LINC00632: variants seen among roughly 807,000 people sequenced by gnomAD.
LINC00632 encodes the protein long independently transcribed non-coding RNA 632.
chrX:140,766,299 A>C (rs1931691771), intron 3 of LINC00632, among the ~76,000 whole-genome samples: 1 of 112,252 alleles, frequency 8.9e-6, no homozygotes, highest in Non-Finnish European at 1.9e-5. Context: ...CCATCCAGTA[A>C]GAAGTATGAA....
At chrX:140,729,821 C>A (rs764246854) in intron 2 of LINC00632, among the ~76,000 whole-genome samples, 1 of 109,078 alleles carries the variant, frequency 9.2e-6, no homozygotes, top group African/African-American at 3.3e-5. Context: ...TAGAAATATA[C>A]GACAATCCAC....
chrX:140,729,877 CT>C (rs1207034823), intron 2 of LINC00632, among the ~76,000 whole-genome samples: 1,058 of 90,777 alleles, frequency 0.012, 11 homozygotes, highest in African/African-American at 0.041. Context: ...TTTCTTTTTT[CT>C]TTTTTTTTTT....
exon 5 of LINC00632, among the ~76,000 whole-genome samples, chrX:140,777,964 C>T (rs996098714): frequency 8.9e-6 from 1 of 111,800 alleles, no homozygotes; most frequent in African/African-American, 3.3e-5. Flanking sequence ...TTAGTCCCTC[C>T]CAGAAAAGGA....
chrX:140,762,229 G>GAA (rs1556027038), intron 3 of LINC00632, among the ~76,000 whole-genome samples: 1 of 105,921 alleles, frequency 9.4e-6, no homozygotes, highest in African/African-American at 3.6e-5. Context: ...GAGAGAGAGA[G>GAA]AGAGAGAGAG....
chrX:140,784,037 A>G lies in LINC00632; in HGVS notation n.12056A>G, dbSNP rs769916983. On this transcript the variant is annotated non_coding_transcript_exon_variant, in exon 5 of 5. Transcript: ENST00000648200. ...CCCTTAAATCTATAGCTTCCAAAAAATCCGGGTCTTCCAGGAAATCCGTGT... is the reference window on the plus strand; with the variant it reads ...CCCTTAAATCTATAGCTTCCAAAAAGTCCGGGTCTTCCAGGAAATCCGTGT... 3 of 1,209,326 alleles carry G rather than the reference A, an allele frequency of 2.5e-6. No homozygotes were observed. In the East Asian group the frequency reaches 8.9e-5, roughly 36 times the overall value.
At chrX:140,736,436 C>CTT (rs748293491) in intron 3 of LINC00632, among the ~76,000 whole-genome samples, 902 of 50,003 alleles carry the variant, frequency 0.018, 21 homozygotes, top group African/African-American at 0.047. Context: ...TCTTCTTCTT[C>CTT]TTTTTTTTTT....
At chrX:140,791,071 C>T (rs1932101029) in exon 5 of LINC00632, among the ~76,000 whole-genome samples, 1 of 111,413 alleles carries the variant, frequency 9.0e-6, no homozygotes, top group African/African-American at 3.3e-5. Context: ...AGCAGGCAAC[C>T]TTCTGTTTTT....
chrX:140,770,800 A>C (rs1047991305), intron 3 of LINC00632, among the ~76,000 whole-genome samples: 5 of 112,184 alleles, frequency 4.5e-5, no homozygotes, highest in African/African-American at 1.6e-4. Context: ...AGAAGATCTG[A>C]GATCCGAGAA....
chrX:140,723,700 T>C (rs1930806818), intron 2 of LINC00632, among the ~76,000 whole-genome samples: 1 of 79 alleles, frequency 0.013, no homozygotes, highest in Non-Finnish European at 0.03. Flanking sequence ...AGACACACAT[T>C]CCATATACAC....
chrX:140,754,180 G>A lies in LINC00632; in HGVS notation n.192-17898G>A, dbSNP rs143554406. Among the ~76,000 whole-genome samples, 790 of 111,607 alleles carry A rather than the reference G, an allele frequency of 7.1e-3. 3 individuals are homozygous for A. The highest frequency in any genetic ancestry group is 0.018 in the Middle Eastern group (4 of 218). ...CCCAAGGTTGAAACCATCCAAACTA[G>A]TGGCACTTAGTCTTGGATGCACACT... On this transcript the variant is annotated intron_variant and non_coding_transcript_variant, in intron 3 of 4. Transcript: ENST00000648200.
intron 3 of LINC00632, among the ~76,000 whole-genome samples, chrX:140,765,353 T>C (rs1335523007): frequency 8.9e-6 from 1 of 111,770 alleles, no homozygotes; most frequent in East Asian, 2.8e-4. Flanking sequence ...TGAGAGCTTA[T>C]GCAGCCGCCC....
chrX:140,717,260 C>T (rs948682133), intron 2 of LINC00632, among the ~76,000 whole-genome samples: 2 of 110,683 alleles, frequency 1.8e-5, no homozygotes, highest in Admixed American at 1.9e-4. Context: ...GGATAACAGG[C>T]GTGAGCGACC....
intron 2 of LINC00632, chrX:140,713,696 C>T (rs1000942877): frequency 2.9e-6 from 1 of 339,571 alleles, no homozygotes. Context: ...CCGACAAGCA[C>T]CACAGCAAAA....
At chrX:140,759,146 T>G (rs1931547326) in intron 3 of LINC00632, among the ~76,000 whole-genome samples, 1 of 106,386 alleles carries the variant, frequency 9.4e-6, no homozygotes, top group Admixed American at 1.0e-4. Context: ...GTATTTTTTT[T>G]TTTTTTAAGT....
intron 3 of LINC00632, among the ~76,000 whole-genome samples, chrX:140,742,502 T>C (rs1931239326): frequency 9.0e-6 from 1 of 111,415 alleles, no homozygotes; most frequent in Non-Finnish European, 1.9e-5. Flanking sequence ...GAAACACTTT[T>C]ATTTTTCCTG....
chrX:140,786,728 AG>A (rs1162199081), exon 5 of LINC00632, among the ~76,000 whole-genome samples: 1 of 111,912 alleles, frequency 8.9e-6, no homozygotes, highest in Non-Finnish European at 1.9e-5. Flanking sequence ...TCACACACAA[AG>A]ATACTCCTCA....
In LINC00632 at chrX:140,717,129, C is replaced by T. The variant is rs1326793889; in HGVS notation, n.104+5473C>T. 2.7e-5 allele frequency among the ~76,000 whole-genome samples: 3 copies of T among 110,026 alleles called. 1 individual carries two copies. In the Middle Eastern group the frequency reaches 0.014, roughly 517 times the overall value. ...CCTCCCGAGTAGCTGGGAATACAGG[C>T]GCGTCCATGCCTGGCTAATTTTTTT... On this transcript the variant is annotated intron_variant and non_coding_transcript_variant, in intron 2 of 4. Transcript: ENST00000648200.
chrX:140,755,446 T>C (rs1931477912), intron 3 of LINC00632, among the ~76,000 whole-genome samples: 1 of 112,169 alleles, frequency 8.9e-6, no homozygotes, highest in African/African-American at 3.2e-5. Context: ...TATATGGCCT[T>C]GGGTAAGTAA....
chrX:140,731,786 C>T lies in LINC00632; in HGVS notation n.105-2092C>T, dbSNP rs148219797. ...AGATGCCATTTTGTATGCCTGGACT[C>T]GTGCAGAGATAAATACAGGTGAATA... On this transcript the variant is annotated intron_variant and non_coding_transcript_variant, in intron 2 of 4. Transcript: ENST00000648200. 7.7e-3 allele frequency among the ~76,000 whole-genome samples: 864 copies of T among 111,638 alleles called. 11 individuals carry two copies. The highest frequency in any genetic ancestry group is 0.026 in the African/African-American group (812 of 30,703).
Sources: gnomAD v4.1 joint callset for allele counts (sites outside exome capture counted in the v4.1 genomes callset) on GRCh38, gnomAD v4.1.1 for gene constraint, MANE v1.5 for transcripts, NCBI Gene and HGNC (gene_info 2026-07-23, HGNC 2026-07-21) for gene names.